The following NDST3 variants were observed in gnomAD, a reference collection of about 807,000 sequenced individuals.
The protein encoded by NDST3 is N-deacetylase and N-sulfotransferase 3.
A neutral mutation model predicts 96.1 loss-of-function variants in NDST3; 58 were observed. That is an observed-to-expected ratio of 0.60 (90% CI 0.49 to 0.75). The LOEUF is 0.75. Among genes scored for constraint, NDST3 ranks in the 30% least tolerant of loss-of-function variants. The pLI, the probability that NDST3 is intolerant of heterozygous loss-of-function variation, is 0.00. For synonymous variants in NDST3, 333 were observed against 359.7 expected (o/e 0.93, Z 0.84); for missense variants, 788 against 1,034.2 (o/e 0.76, Z 3.27).
At chr4:118,169,478 T>A (rs1187463466) in intron 6 of NDST3, among the ~76,000 whole-genome samples, 1 of 152,034 alleles carries the variant, frequency 6.6e-6, no homozygotes, top group African/African-American at 2.4e-5. Context: ...CTCTCATGAT[T>A]TCTGTAGGTC....
chr4:118,209,450 T>C (rs1176296580), intron 6 of NDST3, among the ~76,000 whole-genome samples: 3 of 152,210 alleles, frequency 2.0e-5, no homozygotes, highest in African/African-American at 4.8e-5. Context: ...AAATTGGTGA[T>C]CTGAGAACTG....
At chr4:118,112,635 T>C (rs1355228055) in intron 3 of NDST3, among the ~76,000 whole-genome samples, 1 of 152,162 alleles carries the variant, frequency 6.6e-6, no homozygotes, top group Admixed American at 6.5e-5. Flanking sequence ...CTAAATGACA[T>C]CATTCTTATG....
chr4:118,116,667 C>T (rs1731156049), intron 4 of NDST3, among the ~76,000 whole-genome samples: 1 of 152,042 alleles, frequency 6.6e-6, no homozygotes, highest in South Asian at 2.1e-4. Context: ...ACCATCCTGG[C>T]TAACATGGTG....
intron 2 of NDST3, among the ~76,000 whole-genome samples, chr4:118,074,950 A>G (rs13125397): frequency 0.75 from 114,416 of 151,974 alleles, 45,722 homozygotes; most frequent in South Asian, 0.92. Context: ...TGTACACCAC[A>G]TGCAGGTTAG....
intron 1 of NDST3, among the ~76,000 whole-genome samples, chr4:118,040,855 ATTTATATATT>A (rs1487587139): frequency 4.9e-4 from 40 of 82,176 alleles, no homozygotes; most frequent in Middle Eastern, 5.9e-3. Flanking sequence ...TTATATATAT[ATTTATATATT>A]TTTATATATA....
intron 6 of NDST3, among the ~76,000 whole-genome samples, chr4:118,153,304 T>A (rs141008992): frequency 5.4e-4 from 82 of 152,324 alleles, no homozygotes; most frequent in South Asian, 1.0e-3. Flanking sequence ...TAGGCATTTA[T>A]ATCTTGTGTT....
intron 13 of NDST3, among the ~76,000 whole-genome samples, chr4:118,254,878 A>AAG (rs903680171): frequency 5.9e-5 from 9 of 152,024 alleles, no homozygotes; most frequent in African/African-American, 1.2e-4. Context: ...TCATATACGG[A>AAG]AGAGAGAGAG....
At chr4:118,103,471 C>T (rs1729924323) in intron 2 of NDST3, among the ~76,000 whole-genome samples, 1 of 152,088 alleles carries the variant, frequency 6.6e-6, no homozygotes, top group African/African-American at 2.4e-5. Context: ...TATATTTATA[C>T]ACAAAATGTG....
chr4:118,242,150 G>GT lies in NDST3; in HGVS notation c.2399+2dup. 1 of 1,557,818 alleles carries GT rather than the reference G, an allele frequency of 6.4e-7. No homozygotes were observed. Among genetic ancestry groups the GT allele is most frequent in the Non-Finnish European group, 8.8e-7 (1 of 1,134,700 alleles). ...ATTATAATTACTCAGAAGCTTTAAC[G>GT]TAAGTTTATATTCTAATTAGTTTAT... On this transcript the variant is annotated splice_donor_variant, in intron 12 of 13. Transcript: ENST00000296499. LOFTEE classifies it high-confidence loss of function.
At chr4:118,192,157 T>C (rs1454233159) in intron 6 of NDST3, among the ~76,000 whole-genome samples, 1 of 152,242 alleles carries the variant, frequency 6.6e-6, no homozygotes, top group Non-Finnish European at 1.5e-5. Context: ...ACAGTGCTGT[T>C]TGAGCTACTT....
At chr4:118,137,452 A>T (rs1476831528) in intron 4 of NDST3, among the ~76,000 whole-genome samples, 1 of 152,010 alleles carries the variant, frequency 6.6e-6, no homozygotes. Flanking sequence ...CTTTCACTAT[A>T]AGGGCTTCTA....
chr4:118,232,225 A>C (rs1740346065), intron 8 of NDST3, among the ~76,000 whole-genome samples: 1 of 152,162 alleles, frequency 6.6e-6, no homozygotes, highest in Non-Finnish European at 1.5e-5. Context: ...TTAAATAATA[A>C]TATATTTCAT....
At chr4:118,159,366 C>T (rs1477920414) in intron 6 of NDST3, among the ~76,000 whole-genome samples, 4 of 152,120 alleles carry the variant, frequency 2.6e-5, no homozygotes, top group African/African-American at 7.2e-5. Flanking sequence ...AGAATTTACA[C>T]ACACAAGTCT....
At chr4:118,238,121 AAGAG>A (rs377411135) in intron 10 of NDST3, among the ~76,000 whole-genome samples, 3,603 of 91,442 alleles carry the variant, frequency 0.039, 118 homozygotes, top group African/African-American at 0.048. Flanking sequence ...CTGTCAAAAG[AAGAG>A]AGAGAGAGAG....
intron 12 of NDST3, among the ~76,000 whole-genome samples, chr4:118,250,108 G>T (rs1457346451): frequency 6.6e-6 from 1 of 152,098 alleles, no homozygotes; most frequent in Non-Finnish European, 1.5e-5. Context: ...CCTTTCACCA[G>T]TTGATGGACA....
intron 6 of NDST3, among the ~76,000 whole-genome samples, chr4:118,202,236 T>A (rs183902029): frequency 6.6e-6 from 1 of 152,148 alleles, no homozygotes; most frequent in East Asian, 1.9e-4. Context: ...CCTTATATAG[T>A]GTAGCCTTGA....
At chr4:118,234,237 C>A (rs959767342) in intron 9 of NDST3, among the ~76,000 whole-genome samples, 2 of 151,956 alleles carry the variant, frequency 1.3e-5, no homozygotes, top group Non-Finnish European at 2.9e-5. Context: ...CATAGCAAGA[C>A]CCCATCTCTA....
At chr4:118,227,756 C>G (rs552164362) in intron 8 of NDST3, among the ~76,000 whole-genome samples, 2 of 151,998 alleles carry the variant, frequency 1.3e-5, no homozygotes, top group Non-Finnish European at 2.9e-5. Flanking sequence ...GGGCTACAGG[C>G]GCCTGCCACC....
chr4:118,118,527 T>C (rs2125870463), intron 4 of NDST3, among the ~76,000 whole-genome samples: 1 of 152,376 alleles, frequency 6.6e-6, no homozygotes. Flanking sequence ...TTGCACAATG[T>C]GGACACATCT....
Sources: allele counts gnomAD v4.1 joint callset (sites outside exome capture counted in the v4.1 genomes callset), GRCh38; gene constraint gnomAD v4.1.1; transcripts MANE v1.5; gene names NCBI Gene and HGNC (gene_info 2026-07-23, HGNC 2026-07-21).